Variants in BRF1 observed in about 807,000 individuals in gnomAD.
BRF1 encodes transcription factor IIIB 90 kDa subunit.
Under a neutral mutation model 81.7 loss-of-function variants are expected in BRF1, and 59 were observed. The ratio of observed to expected loss-of-function variants is 0.72; its 90% CI spans 0.59 to 0.90. BRF1 has a LOEUF of 0.90. Ranked by LOEUF, BRF1 falls within the 40% of genes least tolerant of loss-of-function variation. BRF1 has a pLI of 0.00. For missense variants in BRF1, 1,050 were observed against 936.3 expected (o/e 1.12, Z -1.58); for synonymous variants, 491 against 395.6 (o/e 1.24, Z -2.86).
intron 1 of BRF1, among the ~76,000 whole-genome samples, chr14:105,290,546 AG>A (rs1480856746): frequency 6.6e-6 from 1 of 152,178 alleles, no homozygotes; most frequent in East Asian, 1.9e-4. Context: ...CTGACAGAAC[AG>A]GGCCACAGTG....
intron 2 of BRF1, 56 bp downstream of exon 2, chr14:105,286,240 C>G (rs1000594742): frequency 6.5e-7 from 1 of 1,547,150 alleles, no homozygotes; most frequent in Non-Finnish European, 8.8e-7. Context: ...CCTAGCACCA[C>G]CATCCCCATC....
intron 1 of BRF1, chr14:105,314,974 C>A: frequency 8.0e-7 from 1 of 1,243,080 alleles, no homozygotes; most frequent in Non-Finnish European, 1.0e-6. Flanking sequence ...CTCAACACGC[C>A]CGTGCCCATG....
chr14:105,282,757 A>C (rs56034563), intron 2 of BRF1, among the ~76,000 whole-genome samples: 33,222 of 151,982 alleles, frequency 0.22, 4,066 homozygotes, highest in Middle Eastern at 0.27. Context: ...ACATGGCAAA[A>C]CCACGTCTCT....
At chr14:105,280,021 G>A (rs923844600) in intron 2 of BRF1, among the ~76,000 whole-genome samples, 9 of 152,196 alleles carry the variant, frequency 5.9e-5, no homozygotes. Flanking sequence ...TTTGGAAAAG[G>A]GTTTGGCAGT....
rs188485346 is a variant in BRF1 at position 105,279,245 on chromosome 14, A to G, written c.266-6351T>C. Among the ~76,000 whole-genome samples, 587 of 152,290 alleles carry G rather than the reference A, an allele frequency of 3.9e-3. 4 individuals are homozygous for G. The highest frequency in any genetic ancestry group is 0.013 in the African/African-American group (560 of 41,562). On this transcript the variant is annotated intron_variant, in intron 2 of 17. Transcript: ENST00000547530. ...AAAATTCAGAAGTTTCTGTTCGTCA[A>G]AAGACAACATTAAGAGAGTGAGACA... is the stretch of plus-strand genomic sequence containing the variant.
At chr14:105,302,422 TG>T (rs1293797534), upstream of BRF1, among the ~76,000 whole-genome samples, 9 of 151,812 alleles carry the variant, frequency 5.9e-5, no homozygotes, top group African/African-American at 1.9e-4. Context: ...AGGCCAGTCT[TG>T]AACTCCCGAC....
Position 105,315,179 on chromosome 14 carries a change from G to A in BRF1, c.-162+143C>T. 1 of 341,052 alleles carries A rather than the reference G, an allele frequency of 2.9e-6. No homozygotes were observed. 21.1% of individuals were successfully genotyped at this position (341,052 alleles called of 1,614,324 possible). On this transcript the variant is annotated intron_variant, in intron 1 of 17. Transcript: ENST00000327359. This position sits in a 1 kb window ranked among gnomAD's most constrained non-coding sequence, Gnocchi z 4.4. ...CCGCGCCCCCGCCCGCCGGTTCGAC[G>A]CGTGCAGCCGCCGCCCCCCCGCAGC...
In BRF1 at chr14:105,252,593, A is replaced by T; in HGVS notation, c.472-14T>A. ...GTACACATTCACCTGAGATGGAGAG[A>T]TCACAACCAGAAACAGCATTGGTAT... On this transcript the variant is annotated splice_polypyrimidine_tract_variant and intron_variant, in intron 4 of 17. Coordinates refer to ENST00000547530, the MANE Select transcript of BRF1 (RefSeq NM_001519.4). 1 of 1,609,544 alleles carries T rather than the reference A, an allele frequency of 6.2e-7. No individual in the cohort carries two copies. The highest frequency in any genetic ancestry group is 8.5e-7 in the Non-Finnish European group (1 of 1,178,534).
intron 1 of BRF1, among the ~76,000 whole-genome samples, chr14:105,289,687 G>C (rs2140496762): frequency 6.6e-6 from 1 of 152,336 alleles, no homozygotes; most frequent in African/African-American, 2.4e-5. Flanking sequence ...CCAGGCTGGA[G>C]TGTAGTGGTG....
At chr14:105,228,452 G>A (rs1454555629) in intron 7 of BRF1, among the ~76,000 whole-genome samples, 2 of 151,822 alleles carry the variant, frequency 1.3e-5, no homozygotes, top group East Asian at 3.9e-4. Flanking sequence ...GCTGAGGCAG[G>A]AGAATCTCTT....
rs112633173 is a variant in BRF1, at chr14:105,271,981, G to A, written c.439+740C>T. Among the ~76,000 whole-genome samples, 4 of 716 alleles carry A rather than the reference G, an allele frequency of 5.6e-3. 1 individual carries two copies. The highest frequency in any genetic ancestry group is 0.25 in the South Asian group (1 of 4). 0.5% of individuals were successfully genotyped at this position (716 alleles called of 152,430 possible). On this transcript the variant is annotated intron_variant, in intron 3 of 17. Transcript: ENST00000547530. The surrounding 1 kb of genome is among the most constrained non-coding windows in gnomAD (Gnocchi z 5.5). The stretch of plus-strand genomic sequence containing the variant: ...AAGCTGCACACCGCTGAGGGTCGGC[G>A]GCCTCCCCGCCCACCGCCTGCAGTC...
intron 10 of BRF1, among the ~76,000 whole-genome samples, chr14:105,224,130 G>A (rs1257063014): frequency 3.3e-5 from 5 of 152,140 alleles, no homozygotes; most frequent in Non-Finnish European, 7.4e-5. Flanking sequence ...GCACTTTGGC[G>A]GGCCAAGGTG....
At chr14:105,311,174 A>C (rs587746561) in intron 1 of BRF1, among the ~76,000 whole-genome samples, 100 of 152,202 alleles carry the variant, frequency 6.6e-4, no homozygotes, top group African/African-American at 2.4e-3. Context: ...GGATGGTCAC[A>C]AACTCCTGAC....
chr14:105,307,375 T>C (rs2058221134), intron 1 of BRF1, among the ~76,000 whole-genome samples: 1 of 152,128 alleles, frequency 6.6e-6, no homozygotes, highest in African/African-American at 2.4e-5. Context: ...ATGACCCAGT[T>C]CTAATTCTGC....
chr14:105,224,470 A>T (rs779396723), intron 10 of BRF1, among the ~76,000 whole-genome samples: 3 of 152,176 alleles, frequency 2.0e-5, no homozygotes, highest in Non-Finnish European at 4.4e-5. Flanking sequence ...TGACCCAAAT[A>T]AATTATGTAG....
At chr14:105,211,046 G>C in intron 17 of BRF1, 76 bp downstream of exon 17, 4 of 1,560,794 alleles carry the variant, frequency 2.6e-6, no homozygotes, top group Non-Finnish European at 3.5e-6. Flanking sequence ...ACAGGCCCAA[G>C]TTCAGGGATC....
At chr14:105,223,066 G>A (rs1365167414) in intron 10 of BRF1, among the ~76,000 whole-genome samples, 2 of 152,138 alleles carry the variant, frequency 1.3e-5, no homozygotes, top group East Asian at 1.9e-4. Flanking sequence ...GGTGGTGCCC[G>A]CCTGCAGTCC....
intron 5 of BRF1, among the ~76,000 whole-genome samples, chr14:105,243,283 T>TAAAA (rs2054839577): frequency 1.1e-5 from 1 of 95,158 alleles, no homozygotes; most frequent in Non-Finnish European, 2.4e-5. Context: ...TTTACTAAAA[T>TAAAA]ACAAAAAAAA....
At chr14:105,228,500 C>T (rs112635873) in intron 7 of BRF1, among the ~76,000 whole-genome samples, 53 of 150,940 alleles carry the variant, frequency 3.5e-4, no homozygotes, top group South Asian at 6.3e-4. Flanking sequence ...GCCGAGATCA[C>T]GCTATTGCAC....
Sources: gnomAD v4.1 joint callset for allele counts (sites outside exome capture counted in the v4.1 genomes callset) on GRCh38, gnomAD v4.1.1 for gene constraint, Gnocchi (gnomAD v3.1) non-coding constraint, MANE v1.5 for transcripts, NCBI Gene and HGNC (gene_info 2026-07-23, HGNC 2026-07-21) for gene names.